ECM2: variants seen among roughly 807,000 people sequenced by gnomAD.
ECM2 encodes the protein extracellular matrix protein 2.
A neutral mutation model predicts 67.5 loss-of-function variants in ECM2; 57 were observed. The ratio of observed to expected loss-of-function variants is 0.84; its 90% CI spans 0.68 to 1.05. The LOEUF (loss-of-function observed/expected upper bound fraction) is 1.05, where lower values mean the gene tolerates loss of function less well. Ranked by LOEUF, ECM2 falls within the 50% of genes least tolerant of loss-of-function variation. ECM2 has a pLI of 0.00. For synonymous variants in ECM2, 258 were observed against 294.5 expected (o/e 0.88, Z 1.27); for missense variants, 741 against 822.8 (o/e 0.90, Z 1.22).
Position 92,500,904 on chromosome 9 carries a change from T to A in ECM2, c.1754A>T (p.Tyr585Phe). Reference protein sequence around the residue: ...VFGHMEPGLEYLYLSFNKLAD... With the variant: ...VFGHMEPGLEFLYLSFNKLAD... ...AAGTTTGTTAAATGACAGGTACAAG[T>A]ATTCCAGGCCTGGTTCCATGTGGCC... is the stretch of plus-strand genomic sequence containing the variant. The change falls in exon 9 of 10, where the codon TAC becomes TTC. Residue 585 changes from tyrosine (Y) to phenylalanine (F), a missense_variant. Transcript: ENST00000344604. 1.2e-6 allele frequency: 2 copies of A among 1,614,148 alleles called. No homozygotes were observed. Among genetic ancestry groups the A allele is most frequent in the Non-Finnish European group, 1.7e-6 (2 of 1,180,012 alleles).
intron 6 of ECM2, 140 bp downstream of exon 6, chr9:92,509,759 A>C: frequency 1.2e-6 from 1 of 844,000 alleles, no homozygotes; most frequent in East Asian, 3.1e-5. Context: ...AGTTAAAAGA[A>C]GTTTTATCAA....
intron 1 of ECM2, among the ~76,000 whole-genome samples, chr9:92,529,847 T>C (rs2131275011): frequency 6.6e-6 from 1 of 152,284 alleles, no homozygotes; most frequent in East Asian, 1.9e-4. Context: ...GCAGTGAAAC[T>C]CTTCTGATAC....
At chr9:92,534,713 C>T (rs1849059055) in intron 1 of ECM2, among the ~76,000 whole-genome samples, 1 of 152,170 alleles carries the variant, frequency 6.6e-6, no homozygotes, top group Non-Finnish European at 1.5e-5. Context: ...ATAACAACAA[C>T]AGCAGGGGAA....
At chr9:92,553,620 G>A in the ECM2 span, among the ~76,000 whole-genome samples, 2 of 151,846 alleles carry the variant, frequency 1.3e-5, no homozygotes, top group East Asian at 1.9e-4. Flanking sequence ...GAGGTCTTTC[G>A]ACTCCTTGGT....
At chr9:92,529,740 A>G (rs186033087) in intron 1 of ECM2, among the ~76,000 whole-genome samples, 1 of 152,338 alleles carries the variant, frequency 6.6e-6, no homozygotes, top group Non-Finnish European at 1.5e-5. Flanking sequence ...TTTCAACTCT[A>G]TGACATTCTA....
intron 7 of ECM2, among the ~76,000 whole-genome samples, chr9:92,504,716 T>C (rs148077397): frequency 6.6e-5 from 10 of 152,072 alleles, no homozygotes; most frequent in Non-Finnish European, 1.5e-4. Context: ...TTTTAATATA[T>C]CTTTTAGAGA....
the ECM2 span, among the ~76,000 whole-genome samples, chr9:92,552,139 A>G: frequency 6.9e-6 from 1 of 145,044 alleles, no homozygotes; most frequent in East Asian, 2.0e-4. Flanking sequence ...TATCATATAT[A>G]TGTGATATGA....
At position 92,515,014 on chromosome 9, in the gene ECM2, G is replaced by T. The variant is rs376085476; in HGVS notation, c.671C>A (p.Thr224Lys). ...EEDEEVKEED[T>K]EQKRETPESR... The stretch of plus-strand genomic sequence containing the variant: ...TTCAGGGGTCTCTCTCTTTTGCTCT[G>T]TATCTTCTTCTTTCACTTCTTCATC... Residue 224 changes from threonine (T) to lysine (K), a missense_variant, in exon 4 of 10, where the codon ACA (threonine) becomes AAA (lysine). Transcript: ENST00000344604. 12 of 1,613,816 alleles carry T rather than the reference G, an allele frequency of 7.4e-6. No homozygotes were observed. In the Admixed American group the frequency reaches 1.2e-4, roughly 16 times the overall value.
At chr9:92,525,304 C>T (rs1033047772) in intron 1 of ECM2, among the ~76,000 whole-genome samples, 1 of 149,926 alleles carries the variant, frequency 6.7e-6, no homozygotes, top group East Asian at 1.9e-4. Context: ...GGTAACAGAG[C>T]GAGACTCTGT....
At chr9:92,552,087 GTGATATGATAGA>G in the ECM2 span, among the ~76,000 whole-genome samples, 5 of 125,026 alleles carry the variant, frequency 4.0e-5, no homozygotes, top group African/African-American at 6.8e-5. Context: ...TATCATATAT[GTGATATGATAGA>G]TCTATCATAT....
chr9:92,502,698 A>T, intron 7 of ECM2, 46 bp from the exon 8 acceptor site: 1 of 1,432,746 alleles, frequency 7.0e-7, no homozygotes, highest in Non-Finnish European at 9.5e-7. Context: ...GTGTTAGTTG[A>T]TACGTTCAAT....
intron 3 of ECM2, among the ~76,000 whole-genome samples, 172 bp from the exon 4 acceptor site, chr9:92,515,375 A>G (rs549667756): frequency 1.3e-5 from 2 of 152,314 alleles, no homozygotes; most frequent in East Asian, 3.9e-4. Flanking sequence ...TAGTCACTTT[A>G]TTTCTATTTT....
intron 1 of ECM2, among the ~76,000 whole-genome samples, chr9:92,534,174 G>C (rs959331973): frequency 6.6e-6 from 1 of 152,076 alleles, no homozygotes; most frequent in Admixed American, 6.5e-5. Context: ...CAGAGTGTCT[G>C]TCCCACCAGG....
intron 3 of ECM2, chr9:92,517,319 G>T (rs554634307): frequency 1.3e-5 from 4 of 309,854 alleles, no homozygotes; most frequent in South Asian, 5.3e-5. Context: ...ATAAAGGCAC[G>T]TTGCACTGGA....
chr9:92,539,258 T>C (rs1359814146), upstream of ECM2: 2 of 152,168 alleles, frequency 1.3e-5, no homozygotes, highest in Non-Finnish European at 2.9e-5. Context: ...AAACCTCTTT[T>C]TACCAGCCCG....
chr9:92,496,028 C>A lies in ECM2; in HGVS notation c.*287G>T. The A allele has an allele frequency of 9.8e-7, 1 of 1,015,918 alleles. No individual in the cohort carries two copies. The highest frequency in any genetic ancestry group is 1.2e-6 in the Non-Finnish European group (1 of 850,940). The allele number at this position is 1,015,918 out of a possible 1,614,324, so 62.9% of individuals were successfully genotyped here. A position where few individuals can be genotyped will look rare whatever the true frequency, so the allele number is the denominator to read the frequency against. Reference sequence around the variant, plus strand: ...TTATAAAGGCTGTGTTTATTTTGTTCCAGACTCTTCTGGTCTAGCTCAGTA... The same window carrying A: ...TTATAAAGGCTGTGTTTATTTTGTTACAGACTCTTCTGGTCTAGCTCAGTA... On this transcript the variant is annotated 3_prime_UTR_variant, in exon 10 of 10. Coordinates refer to ENST00000344604, the MANE Select transcript of ECM2 (RefSeq NM_001393.4).
At chr9:92,557,935 G>A in the ECM2 span, among the ~76,000 whole-genome samples, 1 of 152,090 alleles carries the variant, frequency 6.6e-6, no homozygotes, top group Non-Finnish European at 1.5e-5. Flanking sequence ...GAGCCACCGC[G>A]CCTGGCCTGC....
intron 4 of ECM2, among the ~76,000 whole-genome samples, chr9:92,512,782 G>A (rs189220158): frequency 2.0e-5 from 3 of 152,190 alleles, no homozygotes; most frequent in African/African-American, 7.2e-5. Context: ...TAAAAGCCAC[G>A]TGGTGACCTT....
At chr9:92,523,576 C>T (rs1376961079) in intron 1 of ECM2, among the ~76,000 whole-genome samples, 1 of 152,186 alleles carries the variant, frequency 6.6e-6, no homozygotes, top group Non-Finnish European at 1.5e-5. Context: ...TGAGTACAAT[C>T]ACTTAGATCT....
Sources: allele counts gnomAD v4.1 joint callset (sites outside exome capture counted in the v4.1 genomes callset), GRCh38; gene constraint gnomAD v4.1.1; transcripts MANE v1.5; gene names NCBI Gene and HGNC (gene_info 2026-07-23, HGNC 2026-07-21).